The following KIAA1328 variants were observed in gnomAD, a reference collection of about 807,000 sequenced individuals.
The protein encoded by KIAA1328 is protein hinderin.
In KIAA1328, 52 loss-of-function variants were observed where a neutral mutation model predicts 68.1. The observed-to-expected ratio is 0.76, with a 90% CI of 0.61 to 0.96. The LOEUF is 0.96. Among genes scored for constraint, KIAA1328 ranks in the 40% least tolerant of loss-of-function variants. The pLI, the probability that KIAA1328 is intolerant of heterozygous loss-of-function variation, is 0.00. For missense variants in KIAA1328, 641 were observed against 677.6 expected (o/e 0.95, Z 0.60); for synonymous variants, 232 against 239.4 (o/e 0.97, Z 0.28).
chr18:36,925,969 CT>C (rs1022755277), intron 5 of KIAA1328, among the ~76,000 whole-genome samples: 1 of 151,770 alleles, frequency 6.6e-6, no homozygotes. Flanking sequence ...TTGATTTCTT[CT>C]TTTTTTAGGA....
chr18:36,869,518 G>A (rs1049733323), intron 4 of KIAA1328, among the ~76,000 whole-genome samples: 9 of 152,154 alleles, frequency 5.9e-5, no homozygotes, highest in African/African-American at 2.2e-4. Context: ...TCAGAATTAT[G>A]CTTGAGTCAA....
intron 9 of KIAA1328, among the ~76,000 whole-genome samples, chr18:37,186,928 C>T (rs185770558): frequency 6.6e-6 from 1 of 152,250 alleles, no homozygotes; most frequent in East Asian, 1.9e-4. Flanking sequence ...AATCCCAGCA[C>T]TTTGGGAGGC....
chr18:36,985,329 C>T lies in KIAA1328; in HGVS notation c.576+25894C>T, dbSNP rs58287809. 2.6e-3 allele frequency among the ~76,000 whole-genome samples: 389 copies of T among 152,176 alleles called. 3 individuals carry two copies. The highest frequency in any genetic ancestry group is 8.9e-3 in the African/African-American group (371 of 41,530). On this transcript the variant is annotated intron_variant, in intron 6 of 9. Coordinates refer to ENST00000280020, the MANE Select transcript of KIAA1328 (RefSeq NM_020776.3). ...AATAAAGATTCAGTGCAATTCCAGT[C>T]GCATTCTCAGCCAGCGTTTTTTGTA...
intron 7 of KIAA1328, among the ~76,000 whole-genome samples, chr18:37,115,068 C>T (rs1184990515): frequency 1.3e-5 from 2 of 152,098 alleles, no homozygotes; most frequent in African/African-American, 4.8e-5. Context: ...GATTCACAGC[C>T]GAATTCTACC....
intron 7 of KIAA1328, among the ~76,000 whole-genome samples, chr18:37,134,414 A>G (rs1328575671): frequency 6.6e-6 from 1 of 152,188 alleles, no homozygotes; most frequent in African/African-American, 2.4e-5. Context: ...ATATTTATTA[A>G]TTTAAAAGTA....
rs529862217 is a variant in KIAA1328, at chr18:37,019,514, G to A, written c.577-47376G>A. On this transcript the variant is annotated intron_variant, in intron 6 of 9. Transcript: ENST00000280020. ...AGGTACACCTACAGATCCCCTGATG[G>A]CAGGCACAAGCACCAGTGCCTACGG... 2.8e-4 allele frequency among the ~76,000 whole-genome samples: 43 copies of A among 152,342 alleles called. 1 individual carries two copies. The South Asian group carries it at 5.2e-3, about 18-fold the overall frequency.
chr18:37,075,135 TG>T (rs1281063141), intron 7 of KIAA1328: 2 of 149,508 alleles, frequency 1.3e-5, no homozygotes, highest in Non-Finnish European at 1.5e-5. Context: ...GCGGATCTCT[TG>T]GCAGAAACTC....
intron 5 of KIAA1328, among the ~76,000 whole-genome samples, chr18:36,888,100 C>G (rs969429407): frequency 2.0e-5 from 3 of 152,132 alleles, no homozygotes; most frequent in African/African-American, 7.2e-5. Flanking sequence ...TTTCTTTTGT[C>G]AGGCTAAATA....
chr18:37,099,832 G>A (rs1393106610), intron 7 of KIAA1328, among the ~76,000 whole-genome samples: 3 of 152,074 alleles, frequency 2.0e-5, no homozygotes, highest in African/African-American at 7.2e-5. Context: ...TTATGTAATG[G>A]CCTTCTTTGT....
intron 6 of KIAA1328, among the ~76,000 whole-genome samples, chr18:36,996,279 T>C (rs1464609114): frequency 6.6e-6 from 1 of 152,190 alleles, no homozygotes; most frequent in Non-Finnish European, 1.5e-5. Context: ...TCTTTATATA[T>C]AGACATGTAA....
chr18:37,035,671 A>T (rs1171452733), intron 6 of KIAA1328, among the ~76,000 whole-genome samples: 1 of 152,202 alleles, frequency 6.6e-6, no homozygotes, highest in Non-Finnish European at 1.5e-5. Context: ...CTCTTCCCGT[A>T]TTATAGTTTT....
At chr18:37,158,432 T>A (rs2059204556) in intron 7 of KIAA1328, among the ~76,000 whole-genome samples, 1 of 152,144 alleles carries the variant, frequency 6.6e-6, no homozygotes, top group Non-Finnish European at 1.5e-5. Flanking sequence ...TAATGGAGGA[T>A]CTGCTCTTGT....
chr18:36,892,043 C>T (rs780900774), intron 5 of KIAA1328, among the ~76,000 whole-genome samples: 52 of 152,122 alleles, frequency 3.4e-4, no homozygotes, highest in Non-Finnish European at 6.9e-4. Context: ...AACAGTAATA[C>T]GCTGGAGCTA....
chr18:36,866,082 T>C (rs2047740484), intron 4 of KIAA1328, among the ~76,000 whole-genome samples: 1 of 152,172 alleles, frequency 6.6e-6, no homozygotes. Context: ...AGTTAACTGT[T>C]TGTTGGCTAA....
At chr18:37,092,005 A>G (rs1420535741) in intron 7 of KIAA1328, among the ~76,000 whole-genome samples, 6 of 152,186 alleles carry the variant, frequency 3.9e-5, no homozygotes, top group South Asian at 2.1e-4. Flanking sequence ...CTCGTATGCC[A>G]TCTGAAACCT....
Position 36,970,142 on chromosome 18 carries a change from G to C in KIAA1328, c.576+10707G>C, listed in dbSNP as rs932418765. ...GTTGGCTTCATCCCTGGGATGCAAGGCTGGTTCAACTTATGCAAATCAATA... is the reference window on the plus strand; with the variant it reads ...GTTGGCTTCATCCCTGGGATGCAAGCCTGGTTCAACTTATGCAAATCAATA... On this transcript the variant is annotated intron_variant, in intron 6 of 9. Coordinates refer to ENST00000280020, the MANE Select transcript of KIAA1328 (RefSeq NM_020776.3). Among the ~76,000 whole-genome samples the C allele has an allele frequency of 2.6e-5, 4 of 152,174 alleles. No individual in the cohort carries two copies. The East Asian group carries it at 7.7e-4, about 29-fold the overall frequency.
At chr18:36,944,709 A>G (rs891878579) in intron 5 of KIAA1328, among the ~76,000 whole-genome samples, 1 of 152,238 alleles carries the variant, frequency 6.6e-6, no homozygotes, top group African/African-American at 2.4e-5. Context: ...AGGAGCAATC[A>G]GTAAGGAAGA....
chr18:37,001,197 A>G (rs1159531770), intron 6 of KIAA1328, among the ~76,000 whole-genome samples: 3 of 152,168 alleles, frequency 2.0e-5, no homozygotes, highest in Non-Finnish European at 4.4e-5. Flanking sequence ...AGACATTACA[A>G]TGGATACCAC....
At chr18:36,958,893 C>T (rs757133507) in intron 5 of KIAA1328, among the ~76,000 whole-genome samples, 5 of 151,688 alleles carry the variant, frequency 3.3e-5, no homozygotes. Context: ...AAGTGATCAT[C>T]GCCTAATCCA....
Sources: gnomAD v4.1 joint callset for allele counts (sites outside exome capture counted in the v4.1 genomes callset) on GRCh38, gnomAD v4.1.1 for gene constraint, MANE v1.5 for transcripts, NCBI Gene and HGNC (gene_info 2026-07-23, HGNC 2026-07-21) for gene names.